The following BIN3 variants were observed in gnomAD, a reference collection of about 807,000 sequenced individuals.
BIN3 encodes bridging integrator 3.
BIN3 carries 41 observed loss-of-function variants against 38.2 expected under a neutral mutation model. The ratio of observed to expected loss-of-function variants is 1.07; its 90% CI spans 0.84 to 1.39. The LOEUF (loss-of-function observed/expected upper bound fraction) is 1.39. Ranked by LOEUF, BIN3 falls within the 40% of genes most tolerant of loss-of-function variation. The pLI, the probability that BIN3 is intolerant of heterozygous loss-of-function variation, is 0.00. For synonymous variants in BIN3, 145 were observed against 122.6 expected, an observed-to-expected ratio of 1.18 and a Z score of -1.21; for missense variants, 361 against 324.3, an observed-to-expected ratio of 1.11 and a Z score of -0.87.
At chr8:22,644,554 C>A in intron 2 of BIN3, 1 of 561,454 alleles carries the variant, frequency 1.8e-6, no homozygotes, top group Non-Finnish European at 3.2e-6. Context: ...CCCAGGCTAA[C>A]CTTTCCTAGG....
chr8:22,650,072 C>T (rs985902879), intron 1 of BIN3, among the ~76,000 whole-genome samples: 1 of 152,072 alleles, frequency 6.6e-6, no homozygotes, highest in Non-Finnish European at 1.5e-5. Flanking sequence ...AAATGTACCA[C>T]TCGTTTTATT....
At chr8:22,665,008 TGAA>T (rs1424294772) in intron 1 of BIN3, among the ~76,000 whole-genome samples, 5 of 152,334 alleles carry the variant, frequency 3.3e-5, no homozygotes, top group Middle Eastern at 3.4e-3. Flanking sequence ...TACAAAAAGA[TGAA>T]GAAGCTCTAT....
chr8:22,649,440 G>C (rs1306470976), intron 1 of BIN3, among the ~76,000 whole-genome samples: 1 of 111,700 alleles, frequency 9.0e-6, no homozygotes, highest in Non-Finnish European at 1.7e-5. Context: ...GCTCATTGCA[G>C]AACACTTGAG....
chr8:22,620,988 GAA>G lies in BIN3; in HGVS notation c.*432_*433del, dbSNP rs1261099371. 1 of 157,678 alleles carries G rather than the reference GAA, an allele frequency of 6.3e-6. No individual in the cohort carries two copies. Among genetic ancestry groups the G allele is most frequent in the Admixed American group, 6.3e-5 (1 of 15,934 alleles). 9.8% of individuals were successfully genotyped at this position (157,678 alleles called of 1,614,324 possible). Reference sequence around the variant, plus strand: ...CGCACAGGGTTCAGGGCCTCTCCCAGAAAAAAGAGGTTTTGAAGTGAAAAGGC... The same window carrying G: ...CGCACAGGGTTCAGGGCCTCTCCCAGAAAAGAGGTTTTGAAGTGAAAAGGC... On this transcript the variant is annotated 3_prime_UTR_variant, in exon 9 of 9. Transcript: ENST00000276416.
chr8:22,621,481 G>C lies in BIN3; in HGVS notation c.703C>G (p.Arg235Gly). The C allele has an allele frequency of 6.2e-7, 1 of 1,613,856 alleles. No individual in the cohort carries two copies. Among genetic ancestry groups the C allele is most frequent in the Non-Finnish European group, 8.5e-7 (1 of 1,179,870 alleles). Residue 235 changes from arginine to glycine, a missense_variant, in exon 9 of 9, where the codon CGG becomes GGG. Transcript: ENST00000276416. ...TCACTGAGTTTGGCCTCGTTCTCCC[G>C]CTCCCGCTGCTCATCGGAGTGGCCT... ...QPGHSDEQRE[R>G]ENEAKLSELR...
intron 1 of BIN3, among the ~76,000 whole-genome samples, chr8:22,668,616 T>C (rs1803505920): frequency 6.6e-6 from 1 of 151,986 alleles, no homozygotes; most frequent in Non-Finnish European, 1.5e-5. Flanking sequence ...AGGGAGTGGG[T>C]TTTGATTAGT....
rs1005704503 is a variant in BIN3 at position 22,644,786 on chromosome 8, C to A, written c.26G>T (p.Gly9Val). Residue 9 changes from glycine (G) to valine (V), a missense_variant, in exon 2 of 9, where the codon GGG becomes GTG. Coordinates refer to ENST00000276416, the MANE Select transcript of BIN3 (RefSeq NM_018688.6). MSWIPFKIGQPKKQIVPKT... is the reference protein window; with the variant it reads MSWIPFKIVQPKKQIVPKT... Reference sequence around the variant, plus strand: ...GGGCACAATCTGTTTCTTGGGCTGCCCAATCTTAAAAGGAATCCTATAAGA... The same window carrying A: ...GGGCACAATCTGTTTCTTGGGCTGCACAATCTTAAAAGGAATCCTATAAGA... 5 of 1,611,370 alleles carry A rather than the reference C, an allele frequency of 3.1e-6. No individual in the cohort carries two copies. The highest frequency in any genetic ancestry group is 4.2e-6 in the Non-Finnish European group (5 of 1,178,610).
At position 22,624,058 on chromosome 8, in the gene BIN3, C is replaced by A. The variant is rs372140015; in HGVS notation, c.481-9G>T. The stretch of plus-strand genomic sequence containing the variant: ...CGCAGCTCCTCTCGTGCCTAGGGAA[C>A]AAGACCTGGGTGTCAAAACTCTCTC... On this transcript the variant is annotated splice_polypyrimidine_tract_variant and intron_variant, in intron 7 of 8. Transcript: ENST00000276416. 2 of 1,555,764 alleles carry A rather than the reference C, an allele frequency of 1.3e-6. No individual in the cohort carries two copies. The highest frequency in any genetic ancestry group is 5.0e-5 in the East Asian group (2 of 40,154).
At chr8:22,623,163 C>T (rs1484893531) in intron 8 of BIN3, among the ~76,000 whole-genome samples, 1 of 152,230 alleles carries the variant, frequency 6.6e-6, no homozygotes. Context: ...TGAGCGCAAG[C>T]CATCAGCAGG....
intron 2 of BIN3, among the ~76,000 whole-genome samples, chr8:22,640,635 C>A (rs969917107): frequency 6.6e-6 from 1 of 152,176 alleles, no homozygotes; most frequent in South Asian, 2.1e-4. Flanking sequence ...ACACAGGGGG[C>A]GCTCTTTGGG....
chr8:22,653,898 G>T (rs1802977001), intron 1 of BIN3, among the ~76,000 whole-genome samples: 1 of 151,390 alleles, frequency 6.6e-6, no homozygotes. Context: ...GTGGGGGTTG[G>T]GGTGTAGGAC....
intron 1 of BIN3, among the ~76,000 whole-genome samples, chr8:22,665,493 C>T (rs992331272): frequency 6.6e-6 from 1 of 152,166 alleles, no homozygotes; most frequent in Non-Finnish European, 1.5e-5. Flanking sequence ...GCACCCAGTG[C>T]AGCATGGCAG....
chr8:22,630,996 C>A (rs1427447910), intron 4 of BIN3, among the ~76,000 whole-genome samples: 1 of 152,186 alleles, frequency 6.6e-6, no homozygotes, highest in Non-Finnish European at 1.5e-5. Context: ...AACAGTACTC[C>A]AGTTTACACA....
intron 1 of BIN3, among the ~76,000 whole-genome samples, chr8:22,666,343 GGA>G (rs1803416997): frequency 6.7e-6 from 1 of 149,034 alleles, no homozygotes; most frequent in Non-Finnish European, 1.5e-5. Context: ...AAATAGGGAG[GGA>G]GGGGGTGAGT....
Position 22,623,943 on chromosome 8 carries a change from G to A in BIN3, c.587C>T (p.Pro196Leu), listed in dbSNP as rs1801922908. ...FYGSRLDYFQPSFESLIRAQV... is the reference protein window; with the variant it reads ...FYGSRLDYFQLSFESLIRAQV... ...AGCTCGGATGAGGGACTCAAAGCTG[G>A]GCTGGAAGTAGTCGAGGCGGCTGCC... Residue 196 changes from proline to leucine, a missense_variant, in exon 8 of 9, where the codon CCC becomes CTC. By Grantham distance (98) the Pro-to-Leu change is moderately conservative. Coordinates refer to ENST00000276416, the MANE Select transcript of BIN3 (RefSeq NM_018688.6). 1.2e-6 allele frequency: 2 copies of A among 1,611,842 alleles called. No homozygotes were observed. Among genetic ancestry groups the A allele is most frequent in the African/African-American group, 1.3e-5 (1 of 74,894 alleles).
At chr8:22,663,240 A>G (rs1803297846) in intron 1 of BIN3, among the ~76,000 whole-genome samples, 1 of 151,592 alleles carries the variant, frequency 6.6e-6, no homozygotes, top group Admixed American at 6.6e-5. Context: ...GAGTTGTGAT[A>G]TCAAAGGTAT....
chr8:22,664,066 G>A (rs1397781550), intron 1 of BIN3, among the ~76,000 whole-genome samples: 2 of 152,252 alleles, frequency 1.3e-5, no homozygotes, highest in South Asian at 2.1e-4. Flanking sequence ...AATATTTGTT[G>A]AGCACCATGT....
At chr8:22,641,006 G>C (rs1802538111) in intron 2 of BIN3, among the ~76,000 whole-genome samples, 1 of 152,188 alleles carries the variant, frequency 6.6e-6, no homozygotes, top group Non-Finnish European at 1.5e-5. Context: ...TGGTCCGAGA[G>C]TTCTCTCCTC....
intron 2 of BIN3, among the ~76,000 whole-genome samples, chr8:22,637,266 G>T (rs1802399236): frequency 6.6e-6 from 1 of 152,198 alleles, no homozygotes; most frequent in African/African-American, 2.4e-5. Context: ...CTCACCCCAG[G>T]CTGGAGGCAG....
Sources: gnomAD v4.1 joint callset for allele counts (sites outside exome capture counted in the v4.1 genomes callset) on GRCh38, gnomAD v4.1.1 for gene constraint, MANE v1.5 for transcripts, NCBI Gene and HGNC (gene_info 2026-07-23, HGNC 2026-07-21) for gene names.